MGST1: variants seen among roughly 807,000 people sequenced by gnomAD.
The protein encoded by MGST1 is microsomal glutathione S-transferase 1.
MGST1 carries 5 observed loss-of-function variants against 8.9 expected under a neutral mutation model. The ratio of observed to expected loss-of-function variants is 0.56; its 90% CI spans 0.29 to 1.19. The LOEUF (loss-of-function observed/expected upper bound fraction) is 1.19, where lower values mean the gene tolerates loss of function less well. MGST1 is among the 50% of genes most tolerant of loss of function. The pLI is 0.08. For missense variants in MGST1, 182 were observed against 187.4 expected (o/e 0.97, Z 0.17); for synonymous variants, 54 against 67.8 (o/e 0.80, Z 1.00).
intron 1 of MGST1, among the ~76,000 whole-genome samples, chr12:16,397,748 C>T (rs1940617689): frequency 6.7e-6 from 1 of 149,216 alleles, no homozygotes; most frequent in Non-Finnish European, 1.5e-5. Flanking sequence ...GGGCATTTTC[C>T]TTTACCCTGA....
downstream of MGST1, among the ~76,000 whole-genome samples, chr12:16,367,739 T>C (rs905423807): frequency 3.9e-5 from 6 of 152,184 alleles, no homozygotes; most frequent in Non-Finnish European, 8.8e-5. Flanking sequence ...TGATCTCTCT[T>C]CAGTGAAACT....
chr12:16,506,000 A>C (rs920963376), intron 4 of MGST1, among the ~76,000 whole-genome samples: 1 of 152,318 alleles, frequency 6.6e-6, no homozygotes, highest in Non-Finnish European at 1.5e-5. Flanking sequence ...GTAACATTTA[A>C]ATTTTTTAAG....
intron 1 of MGST1, among the ~76,000 whole-genome samples, chr12:16,390,878 C>T (rs1192286953): frequency 6.6e-6 from 1 of 152,014 alleles, no homozygotes; most frequent in Admixed American, 6.6e-5. Flanking sequence ...TTTGAGGAAG[C>T]GCCACACTTC....
At chr12:16,512,251 T>A (rs958586498) in intron 4 of MGST1, among the ~76,000 whole-genome samples, 1 of 151,878 alleles carries the variant, frequency 6.6e-6, no homozygotes, top group African/African-American at 2.4e-5. Context: ...GGGGAAGATT[T>A]GTAAGAGATT....
At chr12:16,400,487 G>A (rs1591717764) in intron 1 of MGST1, 2 of 803,746 alleles carry the variant, frequency 2.5e-6, no homozygotes, top group East Asian at 2.4e-5. Flanking sequence ...AGTGAGTCTT[G>A]TTTTACAATG....
downstream of MGST1, among the ~76,000 whole-genome samples, chr12:16,439,087 A>G (rs1225980135): frequency 6.7e-6 from 1 of 150,054 alleles, no homozygotes; most frequent in Admixed American, 6.7e-5. Context: ...AGTGTAATAT[A>G]AATTGTATGG....
chr12:16,356,686 A>T (rs1939728241), intron 2 of MGST1, among the ~76,000 whole-genome samples: 1 of 152,234 alleles, frequency 6.6e-6, no homozygotes, highest in Non-Finnish European at 1.5e-5. Context: ...TAATAATTGC[A>T]GGAAGGAATA....
intron 4 of MGST1, among the ~76,000 whole-genome samples, chr12:16,505,662 A>G (rs576506557): frequency 2.8e-4 from 42 of 152,122 alleles, no homozygotes; most frequent in African/African-American, 9.6e-4. Context: ...ATGTTTTTTT[A>G]TACTCCAACA....
chr12:16,460,335 G>A (rs1007177750), intron 4 of MGST1, among the ~76,000 whole-genome samples: 2 of 152,114 alleles, frequency 1.3e-5, no homozygotes, highest in Non-Finnish European at 2.9e-5. Flanking sequence ...GAATGGGAAT[G>A]GAGAGAGTGC....
intron 4 of MGST1, among the ~76,000 whole-genome samples, chr12:16,525,184 G>A (rs1941676313): frequency 6.6e-6 from 1 of 151,262 alleles, no homozygotes; most frequent in African/African-American, 2.4e-5. Flanking sequence ...TAGGGTACAT[G>A]TGCACATTGT....
At chr12:16,399,354 C>G (rs1287938873) in intron 1 of MGST1, 3 of 1,552,676 alleles carry the variant, frequency 1.9e-6, no homozygotes, top group Non-Finnish European at 2.7e-6. Flanking sequence ...ATGGCCCAAA[C>G]TGTGCACAGA....
chr12:16,534,331 A>G (rs913584796), intron 4 of MGST1, among the ~76,000 whole-genome samples: 2 of 152,176 alleles, frequency 1.3e-5, no homozygotes, highest in Non-Finnish European at 2.9e-5. Context: ...TCCTCCCCAA[A>G]TTCTTTGGCA....
At chr12:16,463,040 T>G (rs145598275) in intron 4 of MGST1, among the ~76,000 whole-genome samples, 50 of 152,290 alleles carry the variant, frequency 3.3e-4, no homozygotes, top group African/African-American at 1.2e-3. Context: ...AATCTAAAAC[T>G]TAAAGGGTAG....
intron 4 of MGST1, among the ~76,000 whole-genome samples, chr12:16,485,312 G>A (rs997800343): frequency 1.3e-5 from 2 of 152,218 alleles, no homozygotes; most frequent in African/African-American, 4.8e-5. Context: ...TGTAACGTTC[G>A]GTGTAATAGC....
intron 1 of MGST1, among the ~76,000 whole-genome samples, chr12:16,395,811 A>ATATATATATATATATATATG (rs1247749625): frequency 7.8e-5 from 11 of 141,474 alleles, no homozygotes; most frequent in African/African-American, 3.3e-4. Context: ...ATATACACAC[A>ATATATATATATATATATATG]CACACACACA....
intron 4 of MGST1, among the ~76,000 whole-genome samples, chr12:16,480,383 T>C (rs1234366254): frequency 6.6e-6 from 1 of 151,934 alleles, no homozygotes; most frequent in Non-Finnish European, 1.5e-5. Context: ...CCTTGTGATC[T>C]GCCCATCTCA....
chr12:16,354,008 C>G (rs1939596063), intron 1 of MGST1, among the ~76,000 whole-genome samples: 1 of 152,096 alleles, frequency 6.6e-6, no homozygotes, highest in Non-Finnish European at 1.5e-5. Flanking sequence ...GATCCACCAG[C>G]CTCGGCCTCC....
intron 3 of MGST1, among the ~76,000 whole-genome samples, chr12:16,360,074 G>C (rs903789247): frequency 1.3e-5 from 2 of 152,196 alleles, no homozygotes; most frequent in African/African-American, 4.8e-5. Flanking sequence ...TGTGTGCACA[G>C]CGCCCCCTGG....
At chr12:16,360,265 T>TA (rs4149215) in intron 3 of MGST1, 574,285 of 866,118 alleles carry the variant, frequency 0.66, 193,877 homozygotes, top group Non-Finnish European at 0.69. Context: ...ATTTTTAAGT[T>TA]AGACTTTTTT....
Sources: gnomAD v4.1 joint callset for allele counts (sites outside exome capture counted in the v4.1 genomes callset) on GRCh38, gnomAD v4.1.1 for gene constraint, MANE v1.5 for transcripts, NCBI Gene and HGNC (gene_info 2026-07-23, HGNC 2026-07-21) for gene names.